LGMN: variants seen among roughly 807,000 people sequenced by gnomAD.
The protein encoded by LGMN is asparaginyl endopeptidase.
A neutral mutation model predicts 56.8 loss-of-function variants in LGMN; 36 were observed. The ratio of observed to expected loss-of-function variants is 0.63; its 90% CI spans 0.49 to 0.84. The LOEUF is 0.84. Ranked by LOEUF, LGMN falls within the 40% of genes least tolerant of loss-of-function variation. The probability of loss-of-function intolerance (pLI) is 0.00; values close to 1 mark genes in which losing one functional copy is unlikely to be tolerated. For missense variants in LGMN, 446 were observed against 556.1 expected (o/e 0.80, Z 1.99); for synonymous variants, 199 against 210.1 (o/e 0.95, Z 0.46).
chr14:92,746,803 G>A (rs962364348), intron 1 of LGMN, among the ~76,000 whole-genome samples: 17 of 152,280 alleles, frequency 1.1e-4, no homozygotes, highest in African/African-American at 3.6e-4. Context: ...TTGGGAGGCC[G>A]AGGGGGGTGG....
intron 1 of LGMN, among the ~76,000 whole-genome samples, chr14:92,737,532 C>G (rs927399646): frequency 6.6e-6 from 1 of 152,228 alleles, no homozygotes; most frequent in Non-Finnish European, 1.5e-5. Context: ...ACAGACAGCA[C>G]AGTAGATAAG....
At chr14:92,730,989 C>T (rs1391645287) in intron 2 of LGMN, among the ~76,000 whole-genome samples, 1 of 151,740 alleles carries the variant, frequency 6.6e-6, no homozygotes, top group African/African-American at 2.4e-5. Flanking sequence ...AATGTGGCTA[C>T]TAGAACATTT....
intron 2 of LGMN, among the ~76,000 whole-genome samples, chr14:92,728,891 TTGTC>T (rs906849753): frequency 6.6e-6 from 1 of 152,064 alleles, no homozygotes; most frequent in African/African-American, 2.4e-5. Context: ...TCCTCTTGGG[TTGTC>T]TGAGGATTGA....
At chr14:92,745,040 G>A (rs1340284428) in intron 1 of LGMN, among the ~76,000 whole-genome samples, 1 of 152,186 alleles carries the variant, frequency 6.6e-6, no homozygotes, top group Non-Finnish European at 1.5e-5. Context: ...TCTCCTGCCT[G>A]TAATCCCAGT....
chr14:92,721,265 G>C (rs1373110445), intron 2 of LGMN, among the ~76,000 whole-genome samples: 1 of 152,166 alleles, frequency 6.6e-6, no homozygotes, highest in Non-Finnish European at 1.5e-5. Flanking sequence ...AAGTGATGCA[G>C]TGTAAGAAAG....
intron 7 of LGMN, 34 bp downstream of exon 7, chr14:92,713,789 C>A: frequency 6.6e-7 from 1 of 1,512,552 alleles, no homozygotes; most frequent in South Asian, 1.1e-5. Flanking sequence ...TCACACCCCC[C>A]GCCCCCACAA....
chr14:92,720,278 T>C (rs182774985), intron 2 of LGMN, among the ~76,000 whole-genome samples: 2 of 152,328 alleles, frequency 1.3e-5, no homozygotes, highest in African/African-American at 4.8e-5. Flanking sequence ...CCCTTGATGA[T>C]AAAGGTAATG....
At chr14:92,718,933 G>T in intron 2 of LGMN, 89 bp from the exon 3 acceptor site, 1 of 755,700 alleles carries the variant, frequency 1.3e-6, no homozygotes, top group East Asian at 2.6e-5. Context: ...TCTCCTGGAA[G>T]ACTTACTGTG....
chr14:92,720,101 T>C (rs1890381043), intron 2 of LGMN, among the ~76,000 whole-genome samples: 1 of 149,132 alleles, frequency 6.7e-6, no homozygotes, highest in South Asian at 2.1e-4. Context: ...GTGCTTGGTA[T>C]ACAGCTTTTG....
chr14:92,712,765 C>T (rs1345853325), intron 8 of LGMN, 40 bp downstream of exon 8: 13 of 1,599,556 alleles, frequency 8.1e-6, no homozygotes, highest in Non-Finnish European at 1.1e-5. Context: ...GAGCAACCTG[C>T]TTGCCAGCCC....
At chr14:92,725,493 A>G (rs920211823) in intron 2 of LGMN, among the ~76,000 whole-genome samples, 1 of 152,216 alleles carries the variant, frequency 6.6e-6, no homozygotes, top group African/African-American at 2.4e-5. Context: ...GCAGTGAGCT[A>G]TGATCACACC....
chr14:92,715,400 G>C (rs1025174580), intron 5 of LGMN, among the ~76,000 whole-genome samples: 11 of 152,158 alleles, frequency 7.2e-5, no homozygotes, highest in Admixed American at 3.9e-4. Flanking sequence ...ATTTTTAGTA[G>C]AGATGGGGTT....
intron 2 of LGMN, among the ~76,000 whole-genome samples, chr14:92,724,564 T>C (rs1890652354): frequency 6.6e-6 from 1 of 152,216 alleles, no homozygotes; most frequent in Non-Finnish European, 1.5e-5. Flanking sequence ...GTGTGACCTA[T>C]ACTGTATTTT....
chr14:92,703,976 T>C lies in LGMN; in HGVS notation c.*343A>G. 2 of 602,618 alleles carry C rather than the reference T, an allele frequency of 3.3e-6. No individual in the cohort carries two copies. The highest frequency in any genetic ancestry group is 5.9e-6 in the Non-Finnish European group (2 of 341,148). The allele number at this position is 602,618 out of a possible 1,614,324, so 37.3% of individuals were successfully genotyped here. On this transcript the variant is annotated 3_prime_UTR_variant, in exon 14 of 14. Coordinates refer to ENST00000334869, the MANE Select transcript of LGMN (RefSeq NM_005606.7). The stretch of plus-strand genomic sequence containing the variant: ...GATTTAAAGAGGTTTCAGCTTCAAA[T>C]TCTCAGAATAAAGACTCCTTTTGAG...
intron 2 of LGMN, among the ~76,000 whole-genome samples, chr14:92,732,008 G>A (rs1453544672): frequency 6.6e-6 from 1 of 152,106 alleles, no homozygotes; most frequent in African/African-American, 2.4e-5. Flanking sequence ...GGAAAGATGG[G>A]GGAGGAGGGT....
intron 2 of LGMN, among the ~76,000 whole-genome samples, chr14:92,728,319 G>T (rs192938867): frequency 6.6e-6 from 1 of 152,298 alleles, no homozygotes; most frequent in Admixed American, 6.5e-5. Context: ...TAGGGTTCAC[G>T]CTCCTATTAG....
Position 92,732,499 on chromosome 14 carries a change from C to T in LGMN, c.138+150G>A. 7.3e-6 allele frequency: 6 copies of T among 826,682 alleles called. 1 individual carries two copies. The South Asian group carries it at 8.6e-5, about 12-fold the overall frequency. The allele number at this position is 826,682 out of a possible 1,614,324, so 51.2% of individuals were successfully genotyped here. A position where few individuals can be genotyped will look rare whatever the true frequency, so the allele number is the denominator to read the frequency against. On this transcript the variant is annotated intron_variant, in intron 2 of 13. Coordinates refer to ENST00000334869, the MANE Select transcript of LGMN (RefSeq NM_005606.7). Reference sequence around the variant, plus strand: ...GCAACATATGAGGGTTCTGATTTCCCCACATCCTCGCTAACACACCTATGT... The same window carrying T: ...GCAACATATGAGGGTTCTGATTTCCTCACATCCTCGCTAACACACCTATGT...
intron 1 of LGMN, among the ~76,000 whole-genome samples, chr14:92,745,023 C>A (rs1290989951): frequency 6.6e-6 from 1 of 152,124 alleles, no homozygotes; most frequent in Non-Finnish European, 1.5e-5. Flanking sequence ...CAACGGTGGG[C>A]ACAGTGTCTC....
In LGMN at chr14:92,719,263, A is replaced by ACTG. The variant is rs1890286124; in HGVS notation, c.139-420_139-419insCAG. Among the ~76,000 whole-genome samples the ACTG allele has an allele frequency of 4.6e-5, 3 of 65,150 alleles. No homozygotes were observed. The East Asian group carries it at 1.3e-3, about 29-fold the overall frequency. 42.7% of individuals were successfully genotyped at this position (65,150 alleles called of 152,430 possible). On this transcript the variant is annotated intron_variant, in intron 2 of 13. Coordinates refer to ENST00000334869, the MANE Select transcript of LGMN (RefSeq NM_005606.7). Reference sequence around the variant, plus strand: ...CACCACCGCCACCACCACCACCGCCACCGCCGCCGCCGCCACCGCCGCCGC... The same window carrying ACTG: ...CACCACCGCCACCACCACCACCGCCACTGCCGCCGCCGCCGCCACCGCCGCCGC...
Sources: gnomAD v4.1 joint callset for allele counts (sites outside exome capture counted in the v4.1 genomes callset) on GRCh38, gnomAD v4.1.1 for gene constraint, MANE v1.5 for transcripts, NCBI Gene and HGNC (gene_info 2026-07-23, HGNC 2026-07-21) for gene names.